STXBP5: variants seen among roughly 807,000 people sequenced by gnomAD.
STXBP5 encodes syntaxin-binding protein 5.
Under a neutral mutation model 152.4 loss-of-function variants are expected in STXBP5, and 50 were observed. The ratio of observed to expected loss-of-function variants is 0.33; its 90% CI spans 0.26 to 0.42. The LOEUF is 0.42. Ranked by LOEUF, STXBP5 falls within the 10% of genes least tolerant of loss-of-function variation. STXBP5 has a pLI of 1.00. For missense variants in STXBP5, 1,167 were observed against 1,388.6 expected (o/e 0.84, Z 2.54); for synonymous variants, 492 against 494.7 (o/e 0.99, Z 0.07).
At chr6:147,266,932 A>G in intron 6 of STXBP5, 152 bp from the exon 7 acceptor site, 1 of 647,888 alleles carries the variant, frequency 1.5e-6, no homozygotes, top group East Asian at 2.8e-5. Flanking sequence ...TTTGTCATTT[A>G]CGTGATTACT....
At chr6:147,216,272 A>T (rs946121318) in intron 2 of STXBP5, among the ~76,000 whole-genome samples, 1 of 152,092 alleles carries the variant, frequency 6.6e-6, no homozygotes, top group Non-Finnish European at 1.5e-5. Context: ...GGTGCCTGTA[A>T]TCCCAGCTAC....
chr6:147,328,734 T>G (rs1378246332), intron 18 of STXBP5: 2 of 471,126 alleles, frequency 4.2e-6, no homozygotes, highest in Non-Finnish European at 4.4e-6. Context: ...GTGCGGCCTT[T>G]CTAGCTTATA....
At chr6:147,250,969 CA>C (rs887963991) in intron 4 of STXBP5, among the ~76,000 whole-genome samples, 667 of 52,958 alleles carry the variant, frequency 0.013, 2 homozygotes, top group African/African-American at 0.033. Context: ...ACCTTGTCTC[CA>C]AAAAAAAAAA....
intron 16 of STXBP5, among the ~76,000 whole-genome samples, chr6:147,323,474 C>T (rs1243653445): frequency 5.3e-5 from 8 of 152,088 alleles, no homozygotes; most frequent in East Asian, 3.9e-4. Flanking sequence ...CCACTGCAAC[C>T]GCTGCCTCCC....
In STXBP5 at chr6:147,339,433, T is replaced by A. The variant is rs775453574; in HGVS notation, c.2254+49T>A. 2.8e-5 allele frequency: 38 copies of A among 1,359,772 alleles called. No individual in the cohort carries two copies. The African/African-American group carries it at 5.6e-4, about 20-fold the overall frequency. 84.2% of individuals were successfully genotyped at this position (1,359,772 alleles called of 1,614,324 possible). A position where few individuals can be genotyped will look rare whatever the true frequency, so the allele number is the denominator to read the frequency against. ...TGTTTCTAATCCTTGCTATATGCAGTGCTAACCCAACACCAGAATTATCCA... is the reference window on the plus strand; with the variant it reads ...TGTTTCTAATCCTTGCTATATGCAGAGCTAACCCAACACCAGAATTATCCA... On this transcript the variant is annotated intron_variant, in intron 21 of 27. Coordinates refer to ENST00000321680, the MANE Select transcript of STXBP5 (RefSeq NM_001127715.4).
At chr6:147,370,607 T>A (rs1785495145) in intron 25 of STXBP5, among the ~76,000 whole-genome samples, 1 of 152,080 alleles carries the variant, frequency 6.6e-6, no homozygotes, top group Non-Finnish European at 1.5e-5. Flanking sequence ...TATTCATTTG[T>A]GAACCCTAAC....
At position 147,363,236 on chromosome 6, in the gene STXBP5, G is replaced by T. The variant is rs1033123511; in HGVS notation, c.2546-99G>T. Reference sequence around the variant, plus strand: ...CAGTGTTCAGTTCAATATGCGTTCAGCATATATTTAAGTATCTACTGTATG... The same window carrying T: ...CAGTGTTCAGTTCAATATGCGTTCATCATATATTTAAGTATCTACTGTATG... On this transcript the variant is annotated intron_variant, in intron 23 of 27. Coordinates refer to ENST00000321680, the MANE Select transcript of STXBP5 (RefSeq NM_001127715.4). 40 of 1,249,640 alleles carry T rather than the reference G, an allele frequency of 3.2e-5. No homozygotes were observed. The African/African-American group carries it at 5.8e-4, about 18-fold the overall frequency. The allele number at this position is 1,249,640 out of a possible 1,614,324, so 77.4% of individuals were successfully genotyped here. A position where few individuals can be genotyped will look rare whatever the true frequency, so the allele number is the denominator to read the frequency against.
intron 8 of STXBP5, among the ~76,000 whole-genome samples, chr6:147,284,126 C>G (rs980842856): frequency 6.6e-6 from 1 of 152,000 alleles, no homozygotes; most frequent in African/African-American, 2.4e-5. Flanking sequence ...TGTACTAAAT[C>G]TTTGAAATCT....
chr6:147,367,931 T>G (rs780273710), intron 25 of STXBP5, among the ~76,000 whole-genome samples: 1 of 152,022 alleles, frequency 6.6e-6, no homozygotes, highest in Non-Finnish European at 1.5e-5. Flanking sequence ...ATGGACAAAT[T>G]TCTTTAAAGA....
intron 8 of STXBP5, among the ~76,000 whole-genome samples, chr6:147,283,893 T>G (rs1314542850): frequency 3.3e-5 from 5 of 152,176 alleles, no homozygotes; most frequent in African/African-American, 1.2e-4. Context: ...TTATTAGCAA[T>G]GTGGCTCTTC....
At chr6:147,331,416 T>G (rs1000012574) in intron 18 of STXBP5, among the ~76,000 whole-genome samples, 3 of 152,220 alleles carry the variant, frequency 2.0e-5, no homozygotes, top group African/African-American at 7.2e-5. Flanking sequence ...GAGATTTTGT[T>G]TAAGCACATC....
At chr6:147,262,252 A>G (rs763472900) in intron 5 of STXBP5, 38 bp from the exon 6 acceptor site, 1 of 1,294,942 alleles carries the variant, frequency 7.7e-7, no homozygotes, top group Non-Finnish European at 1.1e-6. Context: ...TAAAATTCTT[A>G]ACTGAAGAGA....
In STXBP5 at chr6:147,363,750, C is replaced by T. The variant is rs754474452; in HGVS notation, c.2915+46C>T. The T allele has an allele frequency of 1.9e-6, 3 of 1,550,786 alleles. No individual in the cohort carries two copies. The South Asian group carries it at 3.8e-5, about 20-fold the overall frequency. Reference sequence around the variant, plus strand: ...AAAACACAGATATAGCATTTCCTCCCTCAAACTATACTACAGAATTGTTTA... The same window carrying T: ...AAAACACAGATATAGCATTTCCTCCTTCAAACTATACTACAGAATTGTTTA... On this transcript the variant is annotated intron_variant, in intron 24 of 27. Coordinates refer to ENST00000321680, the MANE Select transcript of STXBP5 (RefSeq NM_001127715.4).
At chr6:147,286,801 T>A (rs1285114672) in intron 8 of STXBP5, among the ~76,000 whole-genome samples, 1 of 151,962 alleles carries the variant, frequency 6.6e-6, no homozygotes. Flanking sequence ...ACCAGTTCCT[T>A]CTCCCTCAGC....
At chr6:147,370,520 A>G (rs1785490425) in intron 25 of STXBP5, among the ~76,000 whole-genome samples, 1 of 152,086 alleles carries the variant, frequency 6.6e-6, no homozygotes, top group Non-Finnish European at 1.5e-5. Flanking sequence ...TTTTTACAGT[A>G]TTATTCTTAA....
intron 9 of STXBP5, among the ~76,000 whole-genome samples, chr6:147,307,820 A>G (rs1224847826): frequency 6.6e-6 from 1 of 152,238 alleles, no homozygotes; most frequent in Non-Finnish European, 1.5e-5. Context: ...GAAAATAAGT[A>G]CAGGCAGCCT....
At position 147,205,965 on chromosome 6, in the gene STXBP5, C is replaced by G; in HGVS notation, c.151-6C>G. 6.2e-7 allele frequency: 1 copy of G among 1,613,386 alleles called. No individual in the cohort carries two copies. Among genetic ancestry groups the G allele is most frequent in the Non-Finnish European group, 8.5e-7 (1 of 1,179,354 alleles). ...GGTTGCTGTGATGTCACTTGCCCAT[C>G]CCTAGACTGTTCGCCATGGATTTCC... is the stretch of plus-strand genomic sequence containing the variant. On this transcript the variant is annotated splice_region_variant and splice_polypyrimidine_tract_variant and intron_variant, in intron 1 of 27. Coordinates refer to ENST00000321680, the MANE Select transcript of STXBP5 (RefSeq NM_001127715.4).
At chr6:147,379,989 A>G (rs1785997220) in intron 26 of STXBP5, among the ~76,000 whole-genome samples, 3 of 152,124 alleles carry the variant, frequency 2.0e-5, no homozygotes. Context: ...ACTAAGATGT[A>G]AGTCAGTTGA....
At chr6:147,299,893 T>A (rs967947291) in intron 9 of STXBP5, among the ~76,000 whole-genome samples, 1 of 152,052 alleles carries the variant, frequency 6.6e-6, no homozygotes, top group African/African-American at 2.4e-5. Context: ...GCAAACAGAA[T>A]GACGTTTTAT....
Sources: allele counts gnomAD v4.1 joint callset (sites outside exome capture counted in the v4.1 genomes callset), GRCh38; gene constraint gnomAD v4.1.1; transcripts MANE v1.5; gene names NCBI Gene and HGNC (gene_info 2026-07-23, HGNC 2026-07-21).